Variants in GADL1 observed in about 807,000 individuals in gnomAD.
GADL1 encodes GAD like acidic amino acid decarboxylase 1.
A neutral mutation model predicts 69.5 loss-of-function variants in GADL1; 71 were observed. The observed-to-expected ratio is 1.02, with a 90% CI of 0.84 to 1.25. GADL1 has a LOEUF of 1.25. GADL1 is among the 50% of genes most tolerant of loss of function. The probability of loss-of-function intolerance (pLI) is 0.00; values close to 1 mark genes in which losing one functional copy is unlikely to be tolerated. For missense variants in GADL1, 737 were observed against 631.8 expected, an observed-to-expected ratio of 1.17 and a Z score of -1.79; for synonymous variants, 254 against 214.4, an observed-to-expected ratio of 1.18 and a Z score of -1.62.
chr3:30,881,115 C>CA (rs1698635396), intron 1 of GADL1, among the ~76,000 whole-genome samples: 1 of 152,032 alleles, frequency 6.6e-6, no homozygotes, highest in South Asian at 2.1e-4. Context: ...ACTTACCTCA[C>CA]AATTCTGTTT....
At position 30,844,224 on chromosome 3, in the gene GADL1, G is replaced by T; in HGVS notation, c.772C>A (p.Gln258Lys). The T allele has an allele frequency of 3.1e-6, 5 of 1,612,520 alleles. No individual in the cohort carries two copies. In the South Asian group the frequency reaches 4.4e-5, roughly 14 times the overall value. ...IPEELEKQVWQARKEGAAPFL... is the reference protein window; with the variant it reads ...IPEELEKQVWKARKEGAAPFL... ...TCCCCTCTCACCTCTTTTCTGGCTT[G>T]CCAGACTTGCTTCTCCAGTTCCTCA... The change falls in exon 8 of 15, where the codon CAA becomes AAA. Residue 258 changes from glutamine (Q) to lysine (K), a missense_variant. Coordinates refer to ENST00000282538, the MANE Select transcript of GADL1 (RefSeq NM_207359.3).
chr3:30,773,235 T>C (rs1275738300), intron 14 of GADL1, among the ~76,000 whole-genome samples: 1 of 152,192 alleles, frequency 6.6e-6, no homozygotes, highest in Non-Finnish European at 1.5e-5. Context: ...GTAATACATG[T>C]AGATAATTTT....
Position 30,849,932 on chromosome 3 carries a change from A to C in GADL1, c.651+64T>G, listed in dbSNP as rs1378118542. 7.3e-6 allele frequency: 7 copies of C among 955,134 alleles called. No homozygotes were observed. In the Admixed American group the frequency reaches 8.9e-5, roughly 12 times the overall value. The allele number at this position is 955,134 out of a possible 1,614,324, so 59.2% of individuals were successfully genotyped here. Reference sequence around the variant, plus strand: ...GACAAAATCACATCAGGAATCTTCAAACAAAGCCCTCTTAAATATGCTTTC... The same window carrying C: ...GACAAAATCACATCAGGAATCTTCACACAAAGCCCTCTTAAATATGCTTTC... On this transcript the variant is annotated intron_variant, in intron 6 of 14. Transcript: ENST00000282538.
chr3:30,747,239 C>T lies in GADL1; in HGVS notation c.1393-18824G>A, dbSNP rs115300603. Among the ~76,000 whole-genome samples, 491 of 152,296 alleles carry T rather than the reference C, an allele frequency of 3.2e-3. 3 individuals are homozygous for T. The highest frequency in any genetic ancestry group is 0.011 in the African/African-American group (465 of 41,552). On this transcript the variant is annotated intron_variant, in intron 14 of 14. Transcript: ENST00000282538. The stretch of plus-strand genomic sequence containing the variant: ...GTGAGAATACCCAGGCCATTTGTTA[C>T]CTCCCAGGGATTTAGCATCCAGCAC...
intron 14 of GADL1, among the ~76,000 whole-genome samples, chr3:30,758,416 C>CTTTT (rs3042995): frequency 4.0e-5 from 6 of 151,890 alleles, no homozygotes; most frequent in East Asian, 1.9e-4. Context: ...TGCCTTTTAT[C>CTTTT]TTTCCCGTCT....
At chr3:30,771,118 A>G (rs1696410787) in intron 14 of GADL1, among the ~76,000 whole-genome samples, 1 of 152,210 alleles carries the variant, frequency 6.6e-6, no homozygotes, top group Non-Finnish European at 1.5e-5. Context: ...AGTGGAGTAT[A>G]TTTAGAAAGA....
chr3:30,819,852 A>G (rs184533176), intron 11 of GADL1, among the ~76,000 whole-genome samples: 4 of 152,196 alleles, frequency 2.6e-5, no homozygotes, highest in Admixed American at 6.5e-5. Flanking sequence ...AATATATTTG[A>G]GAAAATATTG....
intron 14 of GADL1, among the ~76,000 whole-genome samples, chr3:30,757,320 G>C (rs1476760798): frequency 1.3e-5 from 2 of 152,068 alleles, no homozygotes; most frequent in Admixed American, 1.3e-4. Flanking sequence ...AAAATCAGCT[G>C]ATAAAGGCAG....
intron 14 of GADL1, among the ~76,000 whole-genome samples, chr3:30,766,996 T>A (rs193168271): frequency 1.6e-4 from 24 of 152,324 alleles, no homozygotes; most frequent in African/African-American, 5.5e-4. Flanking sequence ...ACAGGATGAA[T>A]AATAATGAAA....
At chr3:30,744,557 T>TA (rs1023998953) in intron 14 of GADL1, among the ~76,000 whole-genome samples, 2 of 151,672 alleles carry the variant, frequency 1.3e-5, no homozygotes, top group East Asian at 3.9e-4. Flanking sequence ...CCAAAAACTT[T>TA]AAAAAAATTA....
intron 14 of GADL1, among the ~76,000 whole-genome samples, chr3:30,750,735 A>G (rs746563753): frequency 4.6e-5 from 7 of 152,168 alleles, no homozygotes; most frequent in Non-Finnish European, 1.0e-4. Context: ...ACGTATATGT[A>G]ATTTGTCCTG....
intron 8 of GADL1, 46 bp downstream of exon 8, chr3:30,844,164 C>A (rs772875836): frequency 6.8e-7 from 1 of 1,460,336 alleles, no homozygotes; most frequent in Non-Finnish European, 9.5e-7. Context: ...CGGGCGTGCG[C>A]GCACACACAC....
Position 30,771,517 on chromosome 3 carries a change from A to G in GADL1, c.1392+6662T>C, listed in dbSNP as rs1696418381. On this transcript the variant is annotated intron_variant, in intron 14 of 14. Coordinates refer to ENST00000282538, the MANE Select transcript of GADL1 (RefSeq NM_207359.3). Reference sequence around the variant, plus strand: ...AGCCTCTTAAGTCACATTTAGAGCTATTTTCTTTAAAAGGCACTTTGATAT... The same window carrying G: ...AGCCTCTTAAGTCACATTTAGAGCTGTTTTCTTTAAAAGGCACTTTGATAT... Among the ~76,000 whole-genome samples, 4 of 152,314 alleles carry G rather than the reference A, an allele frequency of 2.6e-5. No homozygotes were observed. The South Asian group carries it at 8.3e-4, about 32-fold the overall frequency.
At chr3:30,864,799 G>T (rs1014814361) in intron 1 of GADL1, among the ~76,000 whole-genome samples, 1 of 151,954 alleles carries the variant, frequency 6.6e-6, no homozygotes, top group African/African-American at 2.4e-5. Context: ...GGATATGACT[G>T]CTTTTCATCA....
rs1698241482 is a variant in GADL1, at chr3:30,857,153, A to G, written c.211-12T>C. 6.5e-7 allele frequency: 1 copy of G among 1,549,232 alleles called. No homozygotes were observed. The highest frequency in any genetic ancestry group is 1.4e-5 in the African/African-American group (1 of 72,914). On this transcript the variant is annotated splice_polypyrimidine_tract_variant and intron_variant, in intron 2 of 14. Coordinates refer to ENST00000282538, the MANE Select transcript of GADL1 (RefSeq NM_207359.3). ...CTCCATTCACACACCTGGAGATTCA[A>G]CCACAACACAAATTGAGTATCCACC...
chr3:30,838,663 T>C (rs763112406), intron 9 of GADL1, among the ~76,000 whole-genome samples: 11 of 152,030 alleles, frequency 7.2e-5, no homozygotes, highest in Non-Finnish European at 1.5e-4. Flanking sequence ...AAGAGGCAGA[T>C]CAGAATTTCA....
intron 14 of GADL1, among the ~76,000 whole-genome samples, chr3:30,771,238 G>A (rs1440853077): frequency 6.6e-6 from 1 of 152,152 alleles, no homozygotes; most frequent in South Asian, 2.1e-4. Context: ...TGCTGAAGCT[G>A]GCCATAATTA....
In GADL1 at chr3:30,867,520, T is replaced by C. The variant is rs1281669135; in HGVS notation, c.38-5755A>G. ...GGCCCTGTTCTAAAAGTTTTACAGA[T>C]TTAACAAATGTAATTGTAACAAACT... On this transcript the variant is annotated intron_variant, in intron 1 of 14. Transcript: ENST00000282538. 2.0e-4 allele frequency among the ~76,000 whole-genome samples: 31 copies of C among 151,424 alleles called. 1 individual carries two copies. The highest frequency in any genetic ancestry group is 1.8e-3 in the Admixed American group (28 of 15,152).
At chr3:30,852,685 A>T (rs990769480) in intron 4 of GADL1, among the ~76,000 whole-genome samples, 3 of 152,152 alleles carry the variant, frequency 2.0e-5, no homozygotes, top group Non-Finnish European at 4.4e-5. Context: ...AACTGGCTCA[A>T]TTATAAACCT....
Sources: gnomAD v4.1 joint callset for allele counts (sites outside exome capture counted in the v4.1 genomes callset) on GRCh38, gnomAD v4.1.1 for gene constraint, MANE v1.5 for transcripts, NCBI Gene and HGNC (gene_info 2026-07-23, HGNC 2026-07-21) for gene names.